The following HIVEP3 variants were observed in gnomAD, a reference collection of about 807,000 sequenced individuals.
HIVEP3 encodes the protein HIVEP zinc finger 3, also known as transcription factor HIVEP3.
A neutral mutation model predicts 152.8 loss-of-function variants in HIVEP3; 49 were observed. The ratio of observed to expected loss-of-function variants is 0.32; its 90% confidence interval spans 0.26 to 0.41. The LOEUF is 0.41. Ranked by LOEUF, HIVEP3 falls within the 10% of genes least tolerant of loss-of-function variation. HIVEP3 has a pLI of 1.00. For synonymous variants in HIVEP3, 1,269 were observed against 1,289.0 expected (o/e 0.98, Z 0.33); for missense variants, 2,790 against 3,103.3 (o/e 0.90, Z 2.40).
intron 1 of HIVEP3, among the ~76,000 whole-genome samples, chr1:41,740,507 C>A (rs2124204555): frequency 6.6e-6 from 1 of 152,298 alleles, no homozygotes; most frequent in South Asian, 2.1e-4. Context: ...CAGGGCAAGC[C>A]CATGACAGCA....
chr1:41,546,216 C>T (rs1285561653), intron 5 of HIVEP3, among the ~76,000 whole-genome samples: 1 of 152,186 alleles, frequency 6.6e-6, no homozygotes, highest in African/African-American at 2.4e-5. Flanking sequence ...CAGTGGTCCC[C>T]AGAGGTGAAG....
chr1:41,961,225 C>G (rs1195449781), intron 1 of HIVEP3, among the ~76,000 whole-genome samples: 1 of 152,208 alleles, frequency 6.6e-6, no homozygotes, highest in African/African-American at 2.4e-5. Flanking sequence ...GGGCAGCTCC[C>G]TGCAATGCCA....
intron 2 of HIVEP3, among the ~76,000 whole-genome samples, chr1:41,639,721 T>C (rs1645343384): frequency 6.6e-6 from 1 of 152,234 alleles, no homozygotes; most frequent in South Asian, 2.1e-4. Context: ...GAGTGCGCTC[T>C]AGTCTGAGAA....
At chr1:41,677,959 C>T (rs770511546) in intron 2 of HIVEP3, among the ~76,000 whole-genome samples, 2 of 152,210 alleles carry the variant, frequency 1.3e-5, no homozygotes, top group Non-Finnish European at 2.9e-5. Context: ...GAGGCCCCAG[C>T]TAATGGGTTA....
At chr1:41,540,824 G>C (rs1467150181) in intron 5 of HIVEP3, among the ~76,000 whole-genome samples, 1 of 152,138 alleles carries the variant, frequency 6.6e-6, no homozygotes, top group Non-Finnish European at 1.5e-5. Flanking sequence ...CTCCCCAACA[G>C]GTCTAGTATT....
At chr1:41,528,694 T>C in intron 5 of HIVEP3, among the ~76,000 whole-genome samples, 2 of 64,438 alleles carry the variant, frequency 3.1e-5, no homozygotes, top group Admixed American at 1.8e-4. Flanking sequence ...TGCCCTCACG[T>C]TCACCCTCAG....
chr1:41,832,953 C>T (rs537446478), intron 1 of HIVEP3, among the ~76,000 whole-genome samples: 1 of 152,316 alleles, frequency 6.6e-6, no homozygotes, highest in East Asian at 1.9e-4. Context: ...TTTGCTTCTG[C>T]ACCTGTCACA....
chr1:41,688,053 A>G (rs545343877), intron 2 of HIVEP3, among the ~76,000 whole-genome samples: 1 of 152,356 alleles, frequency 6.6e-6, no homozygotes, highest in East Asian at 1.9e-4. Flanking sequence ...ACAGAGCAGA[A>G]AGATGCATGT....
intron 5 of HIVEP3, among the ~76,000 whole-genome samples, chr1:41,544,846 C>G (rs111214165): frequency 2.9e-5 from 1 of 33,998 alleles, no homozygotes; most frequent in Non-Finnish European, 5.9e-5. Context: ...ACCACCACTA[C>G]CACCACCACC....
intron 1 of HIVEP3, among the ~76,000 whole-genome samples, chr1:41,758,552 G>GGAACCCAAGTCTCTGGGGACCA (rs1647466663): frequency 6.6e-6 from 1 of 152,202 alleles, no homozygotes; most frequent in Non-Finnish European, 1.5e-5. Context: ...TTCCGACCTT[G>GGAACCCAAGTCTCTGGGGACCA]GAACCCAAGT....
At chr1:41,964,426 C>A (rs1361935370) in intron 1 of HIVEP3, among the ~76,000 whole-genome samples, 1 of 152,188 alleles carries the variant, frequency 6.6e-6, no homozygotes, top group Non-Finnish European at 1.5e-5. Context: ...GAGATCCCCT[C>A]ATGAGCCCAC....
intron 1 of HIVEP3, among the ~76,000 whole-genome samples, chr1:41,992,473 A>C (rs1645368393): frequency 7.4e-6 from 1 of 134,438 alleles, no homozygotes. Context: ...GGAGAACTAC[A>C]AACCACTGCT....
chr1:41,521,214 T>C (rs1038563033), intron 6 of HIVEP3, among the ~76,000 whole-genome samples: 5 of 152,116 alleles, frequency 3.3e-5, no homozygotes, highest in African/African-American at 9.7e-5. Context: ...GGCAGCAGAG[T>C]GTGCCTGGCA....
At position 41,745,661 on chromosome 1, in the gene HIVEP3, T is replaced by C. The variant is rs12047370; in HGVS notation, c.-800-44666A>G. Among the ~76,000 whole-genome samples the C allele has an allele frequency of 0.015, 2,282 of 152,310 alleles. 152 individuals are homozygous for C. The East Asian group carries it at 0.21, about 14-fold the overall frequency. On this transcript the variant is annotated intron_variant, in intron 1 of 8. Coordinates refer to ENST00000372583, the MANE Select transcript of HIVEP3 (RefSeq NM_024503.5). ...ACAGAGGGAGGGGTCCCTGTGGCTC[T>C]TGGGCCCCCTTTCCAGGCAGCTGAT...
At chr1:41,852,404 C>A (rs546165787) in intron 1 of HIVEP3, among the ~76,000 whole-genome samples, 1 of 152,216 alleles carries the variant, frequency 6.6e-6, no homozygotes, top group Non-Finnish European at 1.5e-5. Flanking sequence ...AGAAACAAGC[C>A]GGAAGCCCTC....
intron 2 of HIVEP3, among the ~76,000 whole-genome samples, chr1:41,642,515 T>A (rs1004094935): frequency 3.9e-5 from 6 of 152,338 alleles, no homozygotes; most frequent in East Asian, 3.9e-4. Context: ...CCAGGAATGA[T>A]CTTTCATTTA....
intron 2 of HIVEP3, among the ~76,000 whole-genome samples, chr1:41,663,397 T>C (rs1010385753): frequency 1.3e-5 from 2 of 152,214 alleles, no homozygotes; most frequent in Non-Finnish European, 2.9e-5. Flanking sequence ...AAGCACTCCC[T>C]TTCAGGGTCA....
At chr1:41,562,856 C>T (rs72669044) in intron 5 of HIVEP3, among the ~76,000 whole-genome samples, 1,707 of 152,130 alleles carry the variant, frequency 0.011, 16 homozygotes, top group Non-Finnish European at 0.016. Flanking sequence ...GTGGAGGGAA[C>T]CAAGGTAAGG....
intron 2 of HIVEP3, among the ~76,000 whole-genome samples, chr1:41,647,959 C>T (rs2124003778): frequency 1.3e-5 from 2 of 152,370 alleles, no homozygotes; most frequent in East Asian, 3.9e-4. Context: ...TGCCAGCCCC[C>T]AGCCCAGTCC....
Sources: allele counts gnomAD v4.1 joint callset (sites outside exome capture counted in the v4.1 genomes callset), GRCh38; gene constraint gnomAD v4.1.1; transcripts MANE v1.5; gene names NCBI Gene and HGNC (gene_info 2026-07-23, HGNC 2026-07-21).